Variants in PHLPP1 observed in about 807,000 individuals in gnomAD.
PHLPP1 encodes the protein PH domain leucine-rich repeat-containing protein phosphatase 1.
PHLPP1 carries 42 observed loss-of-function variants against 117.2 expected under a neutral mutation model. The ratio of observed to expected loss-of-function variants is 0.36; its 90% CI spans 0.28 to 0.46. The LOEUF is 0.46. Among genes scored for constraint, PHLPP1 ranks in the 20% least tolerant of loss-of-function variants. PHLPP1 has a pLI of 1.00. For missense variants in PHLPP1, 2,084 were observed against 2,241.9 expected (o/e 0.93, Z 1.42); for synonymous variants, 1,042 against 970.7 (o/e 1.07, Z -1.37).
rs118108842 is a variant in PHLPP1, at chr18:62,789,702, G to A, written c.1577-40333G>A. 3.9e-5 allele frequency among the ~76,000 whole-genome samples: 6 copies of A among 152,058 alleles called. No individual in the cohort carries two copies. The East Asian group carries it at 1.2e-3, about 29-fold the overall frequency. On this transcript the variant is annotated intron_variant, in intron 1 of 16. Coordinates refer to ENST00000262719, the MANE Select transcript of PHLPP1 (RefSeq NM_194449.4). ...TGTCTGGCTTTTGTTTCTTTATGCT[G>A]CAAATCCCTGATGCTGTTTGGAATG...
At chr18:62,921,539 T>C (rs189298657) in intron 10 of PHLPP1, among the ~76,000 whole-genome samples, 166 of 152,342 alleles carry the variant, frequency 1.1e-3, no homozygotes, top group African/African-American at 3.6e-3. Context: ...TCTCCATTAT[T>C]AGATTACTAA....
In PHLPP1 at chr18:62,941,680, A is replaced by G. The variant is rs575507994; in HGVS notation, c.2961-38A>G. On this transcript the variant is annotated intron_variant, in intron 10 of 16. Transcript: ENST00000262719. Reference sequence around the variant, plus strand: ...TTTAGGTTTCTTGAGGGTTTTTGTGACTTTTCAATGGCATTTTGTTGCGTT... The same window carrying G: ...TTTAGGTTTCTTGAGGGTTTTTGTGGCTTTTCAATGGCATTTTGTTGCGTT... The G allele has an allele frequency of 1.3e-4, 191 of 1,525,216 alleles. No individual in the cohort carries two copies. In the East Asian group the frequency reaches 3.5e-3, roughly 28 times the overall value. The allele number at this position is 1,525,216 out of a possible 1,614,324, so 94.5% of individuals were successfully genotyped here.
intron 7 of PHLPP1, among the ~76,000 whole-genome samples, 188 bp downstream of exon 7, chr18:62,903,354 G>A (rs1290964732): frequency 6.6e-6 from 1 of 152,078 alleles, no homozygotes; most frequent in Non-Finnish European, 1.5e-5. Context: ...AAATTTTATT[G>A]TCCCTAATTT....
At chr18:62,820,812 A>G (rs1914430245) in intron 1 of PHLPP1, among the ~76,000 whole-genome samples, 1 of 152,234 alleles carries the variant, frequency 6.6e-6, no homozygotes, top group African/African-American at 2.4e-5. Flanking sequence ...TGTATTTTAC[A>G]CTATAAAACA....
Position 62,716,733 on chromosome 18 carries a change from C to T in PHLPP1, c.1050C>T (p.Phe350=). Residue 350 remains phenylalanine, a synonymous_variant, in exon 1 of 17, where the codon TTC becomes TTT. Transcript: ENST00000262719. The surrounding 1 kb of genome is among the most constrained non-coding windows in gnomAD (Gnocchi z 5.7). Reference sequence around the variant, plus strand: ...CTGTGGTCTCCGACACCGAGAGCTTCAGTCTGAGTCCCAGCGCCGAGAGCG... The same window carrying T: ...CTGTGGTCTCCGACACCGAGAGCTTTAGTCTGAGTCCCAGCGCCGAGAGCG... ...PRPVVSDTES[F]SLSPSAESVS... 1.3e-6 allele frequency: 2 copies of T among 1,510,244 alleles called. No homozygotes were observed. Among genetic ancestry groups the T allele is most frequent in the Non-Finnish European group, 1.8e-6 (2 of 1,134,630 alleles). The allele number at this position is 1,510,244 out of a possible 1,614,324, so 93.6% of individuals were successfully genotyped here.
At chr18:62,800,118 G>C (rs1913736427) in intron 1 of PHLPP1, among the ~76,000 whole-genome samples, 1 of 152,168 alleles carries the variant, frequency 6.6e-6, no homozygotes, top group African/African-American at 2.4e-5. Flanking sequence ...GGCACGGCCA[G>C]CTGGAGGCCA....
intron 9 of PHLPP1, among the ~76,000 whole-genome samples, chr18:62,919,240 G>A (rs1909387483): frequency 6.6e-6 from 1 of 152,116 alleles, no homozygotes. Context: ...TCATAATGTA[G>A]ATTTACATTA....
chr18:62,831,572 C>T (rs762975427), intron 2 of PHLPP1, among the ~76,000 whole-genome samples: 12 of 152,072 alleles, frequency 7.9e-5, no homozygotes, highest in African/African-American at 2.4e-4. Flanking sequence ...CTCCTGACCT[C>T]GTGATTCACC....
At chr18:62,858,019 T>A (rs950758163) in intron 3 of PHLPP1, among the ~76,000 whole-genome samples, 6 of 152,242 alleles carry the variant, frequency 3.9e-5, no homozygotes, top group African/African-American at 1.4e-4. Flanking sequence ...TTCAGGCCCA[T>A]TAACATTCTA....
chr18:62,821,962 G>A (rs1231430263), intron 1 of PHLPP1, among the ~76,000 whole-genome samples: 8 of 152,044 alleles, frequency 5.3e-5, no homozygotes, highest in Admixed American at 4.6e-4. Flanking sequence ...CGAGCATGCT[G>A]GTATGTAGCT....
chr18:62,763,399 G>T (rs1912325036), intron 1 of PHLPP1, among the ~76,000 whole-genome samples: 1 of 152,182 alleles, frequency 6.6e-6, no homozygotes, highest in South Asian at 2.1e-4. Flanking sequence ...TTTCCTATAG[G>T]TTGAGTAGGC....
intron 1 of PHLPP1, among the ~76,000 whole-genome samples, chr18:62,734,157 G>T (rs1386041955): frequency 6.6e-6 from 1 of 152,034 alleles, no homozygotes; most frequent in Non-Finnish European, 1.5e-5. Context: ...ATTTTTCTAT[G>T]GATTTATGAG....
At chr18:62,810,831 A>C (rs1253396184) in intron 1 of PHLPP1, among the ~76,000 whole-genome samples, 1 of 152,238 alleles carries the variant, frequency 6.6e-6, no homozygotes, top group Non-Finnish European at 1.5e-5. Context: ...GTAAAACCAA[A>C]GAAAATTAGA....
chr18:62,750,774 T>C (rs1261226197), intron 1 of PHLPP1, among the ~76,000 whole-genome samples: 1 of 152,074 alleles, frequency 6.6e-6, no homozygotes, highest in Non-Finnish European at 1.5e-5. Context: ...TTCATTAATG[T>C]ATTTTTTCTT....
At chr18:62,742,485 C>T (rs867528816) in intron 1 of PHLPP1, among the ~76,000 whole-genome samples, 9 of 151,880 alleles carry the variant, frequency 5.9e-5, no homozygotes, top group South Asian at 2.1e-4. Context: ...CCAGGCTGGG[C>T]GCCTGAGTGG....
In PHLPP1 at chr18:62,838,919, C is replaced by T. The variant is rs770371203; in HGVS notation, c.1899+10C>T. On this transcript the variant is annotated intron_variant, in intron 3 of 16. Coordinates refer to ENST00000262719, the MANE Select transcript of PHLPP1 (RefSeq NM_194449.4). The stretch of plus-strand genomic sequence containing the variant: ...GCGACAAGTCTCCAAGGTAAGCAAG[C>T]ACTTAATCCAGGAATCCACTCAGCT... 28 of 1,613,382 alleles carry T rather than the reference C, an allele frequency of 1.7e-5. No individual in the cohort carries two copies. The East Asian group carries it at 4.5e-4, about 26-fold the overall frequency.
In PHLPP1 at chr18:62,975,414, G is replaced by A; in HGVS notation, c.3773G>A (p.Gly1258Glu). ...IVMQRKLGTA[G>E]QKLGGAAVLC... ...GATTCCAGGAAACTTGGAACTGCTG[G>A]GCAGAAGCTTGGTGGTGCCGCTGTC... Residue 1258 changes from glycine to glutamate, a missense_variant, in exon 16 of 17, where the codon GGG (glycine) becomes GAG (glutamate). Transcript: ENST00000262719. The A allele has an allele frequency of 6.2e-7, 1 of 1,613,248 alleles. No homozygotes were observed. Among genetic ancestry groups the A allele is most frequent in the Middle Eastern group, 1.7e-4 (1 of 5,758 alleles).
rs2144348246 is a variant in PHLPP1 at position 62,846,704 on chromosome 18, T to C, written c.1899+7795T>C. On this transcript the variant is annotated intron_variant, in intron 3 of 16. Coordinates refer to ENST00000262719, the MANE Select transcript of PHLPP1 (RefSeq NM_194449.4). Reference sequence around the variant, plus strand: ...TTATATAAAAAATTACATTATGGAATCTTTGTTACAGTTAGAAAGCAACAG... The same window carrying C: ...TTATATAAAAAATTACATTATGGAACCTTTGTTACAGTTAGAAAGCAACAG... 1.3e-5 allele frequency among the ~76,000 whole-genome samples: 2 copies of C among 152,344 alleles called. 1 individual carries two copies. Among genetic ancestry groups the C allele is most frequent in the Middle Eastern group, 6.8e-3 (2 of 294 alleles).
At chr18:62,803,799 A>C (rs1435743237) in intron 1 of PHLPP1, among the ~76,000 whole-genome samples, 1 of 152,196 alleles carries the variant, frequency 6.6e-6, no homozygotes, top group East Asian at 1.9e-4. Context: ...ACCAGTTTAT[A>C]TTTCCACAGC....
Sources: gnomAD v4.1 joint callset for allele counts (sites outside exome capture counted in the v4.1 genomes callset) on GRCh38, gnomAD v4.1.1 for gene constraint, Gnocchi (gnomAD v3.1) non-coding constraint, MANE v1.5 for transcripts, NCBI Gene and HGNC (gene_info 2026-07-23, HGNC 2026-07-21) for gene names.